Variants in ANO2 observed in about 807,000 individuals in gnomAD.
The protein encoded by ANO2 is anoctamin 2, also known as anoctamin-2.
In ANO2, 101 loss-of-function variants were observed where a neutral mutation model predicts 124.2. That is an observed-to-expected ratio of 0.81 (90% CI 0.69 to 0.96). The LOEUF (loss-of-function observed/expected upper bound fraction) is 0.96, where lower values mean the gene tolerates loss of function less well. Ranked by LOEUF, ANO2 falls within the 40% of genes least tolerant of loss-of-function variation. The pLI is 0.00. For missense variants in ANO2, 1,293 were observed against 1,274.5 expected, an observed-to-expected ratio of 1.01 and a Z score of -0.22; for synonymous variants, 486 against 482.5, an observed-to-expected ratio of 1.01 and a Z score of -0.09.
intron 10 of ANO2, among the ~76,000 whole-genome samples, chr12:5,779,275 CT>C (rs1049474857): frequency 2.0e-5 from 3 of 152,360 alleles, no homozygotes; most frequent in African/African-American, 4.8e-5. Flanking sequence ...CATTTCTACA[CT>C]TTTAAATCAC....
rs1947988935 is a variant in ANO2, at chr12:5,671,292, C to G, written c.1546-23491G>C. 2.6e-5 allele frequency among the ~76,000 whole-genome samples: 4 copies of G among 152,236 alleles called. No individual in the cohort carries two copies. The South Asian group carries it at 8.3e-4, about 32-fold the overall frequency. On this transcript the variant is annotated intron_variant, in intron 14 of 24. Transcript: ENST00000682330. ...AAGCACTGGGCAGGCATTGCTGAAGCATGCAAAGGTATACATAACACACAG... is the reference window on the plus strand; with the variant it reads ...AAGCACTGGGCAGGCATTGCTGAAGGATGCAAAGGTATACATAACACACAG...
intron 10 of ANO2, among the ~76,000 whole-genome samples, chr12:5,773,089 T>C (rs1215627805): frequency 6.6e-6 from 1 of 152,262 alleles, no homozygotes; most frequent in Non-Finnish European, 1.5e-5. Flanking sequence ...TATGAAGTCC[T>C]GCCTTGGCAG....
intron 1 of ANO2, among the ~76,000 whole-genome samples, chr12:5,930,598 A>G (rs1033969979): frequency 3.8e-4 from 58 of 151,444 alleles, no homozygotes; most frequent in African/African-American, 1.3e-3. Flanking sequence ...CAGATTGAAG[A>G]CCCTCCCCCT....
intron 20 of ANO2, among the ~76,000 whole-genome samples, chr12:5,598,750 G>A (rs1183413676): frequency 6.6e-6 from 1 of 152,180 alleles, no homozygotes; most frequent in African/African-American, 2.4e-5. Context: ...CCCAATAGAA[G>A]ATCAGGATTA....
rs563907927 is a variant in ANO2 at position 5,574,360 on chromosome 12, T to C, written c.2621+1474A>G. ...TTCAATCAGGACTCTAAGTTGGACG[T>C]CTCCAGAAGTCCAGCTTAGTGTGTC... On this transcript the variant is annotated intron_variant, in intron 23 of 24. Coordinates refer to ENST00000682330, the MANE Select transcript of ANO2 (RefSeq NM_001364791.2). Among the ~76,000 whole-genome samples the C allele has an allele frequency of 1.2e-4, 19 of 152,282 alleles. No individual in the cohort carries two copies. The South Asian group carries it at 3.7e-3, about 30-fold the overall frequency.
intron 3 of ANO2, among the ~76,000 whole-genome samples, chr12:5,876,208 T>C (rs1390771100): frequency 4.6e-5 from 7 of 152,200 alleles, no homozygotes; most frequent in African/African-American, 1.7e-4. Flanking sequence ...ACCTGCCTTT[T>C]TGGAATAAGA....
At chr12:5,578,857 C>G (rs913281405) in intron 20 of ANO2, among the ~76,000 whole-genome samples, 1 of 152,208 alleles carries the variant, frequency 6.6e-6, no homozygotes, top group Admixed American at 6.5e-5. Context: ...TAGTAAAAGG[C>G]CAGATCATAA....
intron 14 of ANO2, among the ~76,000 whole-genome samples, chr12:5,730,522 G>T (rs1950592636): frequency 6.6e-6 from 1 of 152,210 alleles, no homozygotes; most frequent in Non-Finnish European, 1.5e-5. Flanking sequence ...CTTCTGGGGT[G>T]AGACAAGCAC....
chr12:5,740,768 G>A (rs1477072720), intron 12 of ANO2: 4 of 152,210 alleles, frequency 2.6e-5, no homozygotes, highest in African/African-American at 9.7e-5. Context: ...TACAGTCTAA[G>A]TTCTTCTCTC....
At chr12:5,644,245 A>ATT (rs1314457835) in intron 15 of ANO2, among the ~76,000 whole-genome samples, 5 of 152,202 alleles carry the variant, frequency 3.3e-5, no homozygotes, top group African/African-American at 1.2e-4. Context: ...TTGGACACCC[A>ATT]GCTGTCCCAG....
intron 14 of ANO2, among the ~76,000 whole-genome samples, chr12:5,697,978 TCAC>T (rs1026250519): frequency 2.0e-5 from 3 of 152,118 alleles, no homozygotes; most frequent in African/African-American, 7.2e-5. Context: ...TGGGTGGAGC[TCAC>T]CACAGCTCAA....
chr12:5,941,284 C>A (rs1942884647), intron 1 of ANO2, among the ~76,000 whole-genome samples: 1 of 152,054 alleles, frequency 6.6e-6, no homozygotes, highest in African/African-American at 2.4e-5. Flanking sequence ...AGCTGTTTTT[C>A]AATGGAATTC....
At chr12:5,761,278 A>T (rs1371278587) in intron 10 of ANO2, among the ~76,000 whole-genome samples, 1 of 152,120 alleles carries the variant, frequency 6.6e-6, no homozygotes, top group South Asian at 2.1e-4. Flanking sequence ...CACCCATATG[A>T]GACTAAAAAA....
chr12:5,686,786 C>T (rs1241591761), intron 14 of ANO2, among the ~76,000 whole-genome samples: 3 of 152,224 alleles, frequency 2.0e-5, no homozygotes, highest in African/African-American at 2.4e-5. Context: ...CCTGAGGACT[C>T]GCAACACCAG....
intron 3 of ANO2, among the ~76,000 whole-genome samples, chr12:5,869,373 C>T (rs1955512273): frequency 6.6e-6 from 1 of 152,200 alleles, no homozygotes; most frequent in Admixed American, 6.5e-5. Flanking sequence ...AGACTCTGAG[C>T]TCCATGGGGA....
At chr12:5,775,834 T>G (rs1218154678) in intron 10 of ANO2, among the ~76,000 whole-genome samples, 1 of 152,182 alleles carries the variant, frequency 6.6e-6, no homozygotes, top group Non-Finnish European at 1.5e-5. Context: ...AAACCCTTCC[T>G]ACCTGAAGTC....
At chr12:5,692,099 T>C (rs777453576) in intron 14 of ANO2, among the ~76,000 whole-genome samples, 10 of 152,076 alleles carry the variant, frequency 6.6e-5, no homozygotes, top group Non-Finnish European at 1.3e-4. Context: ...GACTAGACTC[T>C]AAGGGAATGA....
At chr12:5,916,736 C>G (rs2362478) in intron 3 of ANO2, among the ~76,000 whole-genome samples, 1 of 66,674 alleles carries the variant, frequency 1.5e-5, no homozygotes, top group Admixed American at 2.2e-4. Flanking sequence ...AAAAAAAAAA[C>G]AAAACACTGT....
intron 23 of ANO2, among the ~76,000 whole-genome samples, chr12:5,569,283 C>A (rs1012294456): frequency 6.6e-6 from 1 of 152,174 alleles, no homozygotes; most frequent in Non-Finnish European, 1.5e-5. Context: ...GAGCTCGGGC[C>A]TCCCAAAGTC....
Sources: allele counts gnomAD v4.1 joint callset (sites outside exome capture counted in the v4.1 genomes callset), GRCh38; gene constraint gnomAD v4.1.1; transcripts MANE v1.5; gene names NCBI Gene and HGNC (gene_info 2026-07-23, HGNC 2026-07-21).